Variants in ABHD14A observed in about 807,000 individuals in gnomAD.
ABHD14A encodes the protein protein ABHD14A.
ABHD14A carries 19 observed loss-of-function variants against 27.0 expected under a neutral mutation model. The ratio of observed to expected loss-of-function variants is 0.70; its 90% CI spans 0.49 to 1.03. The LOEUF is 1.03. Ranked by LOEUF, ABHD14A falls within the 50% of genes least tolerant of loss-of-function variation. ABHD14A has a pLI of 0.00. For synonymous variants in ABHD14A, 148 were observed against 158.8 expected, an observed-to-expected ratio of 0.93 and a Z score of 0.51; for missense variants, 311 against 344.6, an observed-to-expected ratio of 0.90 and a Z score of 0.77.
At chr3:51,978,844 G>A (rs1308150339) in intron 3 of ABHD14A, 14 of 232,160 alleles carry the variant, frequency 6.0e-5, no homozygotes, top group African/African-American at 1.9e-4. Flanking sequence ...CGCCTGCCTC[G>A]GCCTCCCCAA....
chr3:51,978,635 A>T, intron 3 of ABHD14A: 1 of 223,462 alleles, frequency 4.5e-6, no homozygotes, highest in Admixed American at 5.5e-5. Flanking sequence ...TCTGTCACCC[A>T]GGCTAGAGTA....
intron 2 of ABHD14A, 63 bp from the exon 3 acceptor site, chr3:51,978,196 A>G (rs951215603): frequency 9.1e-6 from 14 of 1,530,396 alleles, no homozygotes; most frequent in Non-Finnish European, 1.2e-5. Flanking sequence ...GGAGAAGCCT[A>G]GGAATAAAGA....
chr3:51,976,494 G>A (rs1700790751), intron 1 of ABHD14A, among the ~76,000 whole-genome samples: 1 of 152,186 alleles, frequency 6.6e-6, no homozygotes, highest in Non-Finnish European at 1.5e-5. Context: ...GGCCAACATG[G>A]TGAAACCCTG....
At chr3:51,979,494 T>G (rs918593319) in intron 3 of ABHD14A, among the ~76,000 whole-genome samples, 8 of 150,506 alleles carry the variant, frequency 5.3e-5, no homozygotes, top group Non-Finnish European at 7.4e-5. Context: ...TTTTGTTTTT[T>G]TTTTTTTTGA....
chr3:51,980,591 C>T lies in ABHD14A; in HGVS notation c.596C>T (p.Thr199Ile). 2 of 1,614,012 alleles carry T rather than the reference C, an allele frequency of 1.2e-6. No homozygotes were observed. The highest frequency in any genetic ancestry group is 1.7e-6 in the Non-Finnish European group (2 of 1,180,018). Residue 199 changes from threonine to isoleucine, a missense_variant, in exon 4 of 5, where the codon ACC becomes ATC. By Grantham distance (89) the Thr-to-Ile change is moderately conservative. Coordinates refer to ENST00000273596, the MANE Select transcript of ABHD14A (RefSeq NM_015407.5). ...TTTGTGCCCATCGCACCCACCTCCA[C>T]CCAGAACTACACCCAGGAGCAATTC... ...HGFVPIAPTS[T>I]QNYTQEQFWA... is the part of the protein sequence containing the mutation.
At chr3:51,979,081 G>A (rs1013264786) in intron 3 of ABHD14A, 7 of 189,914 alleles carry the variant, frequency 3.7e-5, no homozygotes, top group African/African-American at 1.7e-4. Flanking sequence ...AAGTTTAGGG[G>A]ATGCCACACG....
Position 51,978,303 on chromosome 3 carries a change from C to T in ABHD14A, c.326C>T (p.Thr109Met), listed in dbSNP as rs746496175. 10 of 1,551,718 alleles carry T rather than the reference C, an allele frequency of 6.4e-6. No homozygotes were observed. In the South Asian group the frequency reaches 8.3e-5, roughly 13 times the overall value. Residue 109 changes from threonine to methionine, a missense_variant, in exon 3 of 5, where the codon ACG becomes ATG. Physicochemically the swap from Thr to Met is moderately conservative, Grantham distance 81. Transcript: ENST00000273596. ...LLHGKAFNSH[T>M]WEQLGTLQLL... ...CATGGAAAGGCCTTTAACTCTCACACGTGGGAGCAGCTGGGCACACTGCAG... is the reference window on the plus strand; with the variant it reads ...CATGGAAAGGCCTTTAACTCTCACATGTGGGAGCAGCTGGGCACACTGCAG...
At chr3:51,979,145 G>A (rs1700856681) in intron 3 of ABHD14A, 1 of 175,446 alleles carries the variant, frequency 5.7e-6, no homozygotes, top group South Asian at 8.9e-5. Context: ...GGATTGTCTA[G>A]TGGGGGCTGT....
chr3:51,977,502 G>T (rs760962896), intron 1 of ABHD14A, among the ~76,000 whole-genome samples: 1 of 152,042 alleles, frequency 6.6e-6, no homozygotes, highest in East Asian at 1.9e-4. Context: ...CTATAATCAC[G>T]TCTGCTCCCC....
chr3:51,979,468 T>C (rs1285481028), intron 3 of ABHD14A, among the ~76,000 whole-genome samples: 1 of 151,434 alleles, frequency 6.6e-6, no homozygotes, highest in East Asian at 1.9e-4. Flanking sequence ...TTTTTTTGTT[T>C]GTTTCTTTTT....
Position 51,977,968 on chromosome 3 carries a change from C to G in ABHD14A, c.167C>G (p.Pro56Arg). ...CTGTATGTGGGGCTGCCAGGCCCCC[C>G]TGAGCAGACTTCCTGCCTCTGGGGA... is the stretch of plus-strand genomic sequence containing the variant. ...LLLYVGLPGP[P>R]EQTSCLWGDP... is the part of the protein sequence containing the mutation. The change falls in exon 2 of 5, where the codon CCT (proline) becomes CGT (arginine). Residue 56 changes from proline (P) to arginine (R), a missense_variant. Transcript: ENST00000273596. 1.2e-6 allele frequency: 2 copies of G among 1,614,126 alleles called. No individual in the cohort carries two copies. Among genetic ancestry groups the G allele is most frequent in the African/African-American group, 1.3e-5 (1 of 75,078 alleles).
Position 51,980,937 on chromosome 3 carries a change from C to T in ABHD14A, c.735C>T (p.Arg245=). 6.2e-7 allele frequency: 1 copy of T among 1,614,160 alleles called. No homozygotes were observed. The highest frequency in any genetic ancestry group is 8.5e-7 in the Non-Finnish European group (1 of 1,180,024). ...HLPNHSVVKL[R]NAGHACYLHK... ...CCAACCACTCTGTGGTGAAGCTACG[C>T]AATGCAGGCCATGCCTGTTACCTCC... The change falls in exon 5 of 5, where the codon CGC becomes CGT. Residue 245 remains arginine, a synonymous_variant. Transcript: ENST00000273596.
At chr3:51,978,546 C>A in intron 3 of ABHD14A, 172 bp downstream of exon 3, 1 of 449,100 alleles carries the variant, frequency 2.2e-6, no homozygotes, top group Non-Finnish European at 3.9e-6. Flanking sequence ...GGTCATGGAG[C>A]AAATAAAAAC....
At position 51,977,983 on chromosome 3, in the gene ABHD14A, G is replaced by A. The variant is rs1055896649; in HGVS notation, c.182G>A (p.Cys61Tyr). The change falls in exon 2 of 5, where the codon TGC becomes TAC. Residue 61 changes from cysteine to tyrosine, a missense_variant. By Grantham distance (194) the Cys-to-Tyr change is radical (BLOSUM62 -2). Transcript: ENST00000273596. The part of the protein sequence containing the change: ...GLPGPPEQTS[C>Y]LWGDPNVTVL... Reference sequence around the variant, plus strand: ...CCAGGCCCCCCTGAGCAGACTTCCTGCCTCTGGGGAGACCCCAATGTCACA... The same window carrying A: ...CCAGGCCCCCCTGAGCAGACTTCCTACCTCTGGGGAGACCCCAATGTCACA... The A allele has an allele frequency of 7.4e-6, 12 of 1,613,974 alleles. No individual in the cohort carries two copies. Among genetic ancestry groups the A allele is most frequent in the Non-Finnish European group, 1.0e-5 (12 of 1,180,030 alleles).
intron 1 of ABHD14A, 71 bp downstream of exon 1, chr3:51,975,275 C>A: frequency 8.2e-7 from 1 of 1,220,382 alleles, no homozygotes; most frequent in South Asian, 3.7e-5. Context: ...CCCCTTGCCC[C>A]GGCGCCCCGG....
intron 3 of ABHD14A, chr3:51,978,884 G>A (rs779280628): frequency 1.4e-5 from 4 of 289,090 alleles, no homozygotes; most frequent in East Asian, 1.2e-4. Flanking sequence ...GAGCCACTGC[G>A]CCCGGCCAAG....
At chr3:51,978,414 G>A in intron 3 of ABHD14A, 40 bp downstream of exon 3, 1 of 1,500,174 alleles carries the variant, frequency 6.7e-7, no homozygotes. Context: ...AGCCTTAAGT[G>A]TGGCTGGGAG....
At chr3:51,979,481 G>GTTTTTTTTTTTTTTTTTTTTTTTTTTTT (rs1233416677) in intron 3 of ABHD14A, among the ~76,000 whole-genome samples, 1 of 143,790 alleles carries the variant, frequency 7.0e-6, no homozygotes. Flanking sequence ...TTCTTTTTTT[G>GTTTTTTTTTTTTTTTTTTTTTTTTTTTT]TTTTTTGTTT....
intron 3 of ABHD14A, among the ~76,000 whole-genome samples, chr3:51,980,055 TG>T (rs1700881452): frequency 6.6e-6 from 1 of 152,146 alleles, no homozygotes; most frequent in African/African-American, 2.4e-5. Flanking sequence ...CCTGCGTAGC[TG>T]GGACTACAGG....
Sources: allele counts gnomAD v4.1 joint callset (sites outside exome capture counted in the v4.1 genomes callset), GRCh38; gene constraint gnomAD v4.1.1; transcripts MANE v1.5; gene names NCBI Gene and HGNC (gene_info 2026-07-23, HGNC 2026-07-21).